Variants in IGF2R observed in about 807,000 individuals in gnomAD.
The protein encoded by IGF2R is insulin like growth factor 2 receptor, also known as cation-independent mannose-6-phosphate receptor.
In IGF2R, 91 loss-of-function variants were observed where a neutral mutation model predicts 270.6. That is an observed-to-expected ratio of 0.34 (90% CI 0.28 to 0.40). The LOEUF (loss-of-function observed/expected upper bound fraction) is 0.40, where lower values mean the gene tolerates loss of function less well. Among genes scored for constraint, IGF2R ranks in the 10% least tolerant of loss-of-function variants. The probability of loss-of-function intolerance (pLI) is 1.00; values close to 1 mark genes in which losing one functional copy is unlikely to be tolerated. For missense variants in IGF2R, 2,805 were observed against 3,188.3 expected (o/e 0.88, Z 2.90); for synonymous variants, 1,316 against 1,258.9 (o/e 1.05, Z -0.96).
At chr6:159,995,937 C>T (rs1420635933) in intron 2 of IGF2R, among the ~76,000 whole-genome samples, 2 of 126,088 alleles carry the variant, frequency 1.6e-5, no homozygotes, top group Non-Finnish European at 1.6e-5. Flanking sequence ...AGTTGTTACT[C>T]TGTTTCATTC....
intron 29 of IGF2R, among the ~76,000 whole-genome samples, chr6:160,065,812 GTGTATA>G (rs1188356843): frequency 3.7e-3 from 254 of 69,356 alleles, no homozygotes; most frequent in Middle Eastern, 7.5e-3. Context: ...GTGTGTGTGT[GTGTATA>G]TATATATATA....
rs1035971674 is a variant in IGF2R, at chr6:160,010,741, A to G, written c.469A>G (p.Thr157Ala). ...TECVHYFEWR[T>A]TAACKKDIFK... Reference sequence around the variant, plus strand: ...ATGTGTGCACTACTTTGAGTGGAGGACCACTGCAGCCTGCAAGAAAGACAT... The same window carrying G: ...ATGTGTGCACTACTTTGAGTGGAGGGCCACTGCAGCCTGCAAGAAAGACAT... The change falls in exon 4 of 48, where the codon ACC (threonine) becomes GCC (alanine). Residue 157 changes from threonine (T) to alanine (A), a missense_variant. Coordinates refer to ENST00000356956, the MANE Select transcript of IGF2R (RefSeq NM_000876.4). The G allele has an allele frequency of 6.2e-7, 1 of 1,612,822 alleles. No homozygotes were observed. Among genetic ancestry groups the G allele is most frequent in the Non-Finnish European group, 8.5e-7 (1 of 1,178,844 alleles).
chr6:159,982,382 T>A (rs1320956608), intron 1 of IGF2R, among the ~76,000 whole-genome samples: 9 of 152,214 alleles, frequency 5.9e-5, no homozygotes, highest in Non-Finnish European at 1.3e-4. Flanking sequence ...AGGACTTGCG[T>A]GCATGTCGAA....
intron 23 of IGF2R, 93 bp downstream of exon 23, chr6:160,060,810 TTG>T (rs140808704): frequency 7.0e-5 from 88 of 1,253,040 alleles, no homozygotes; most frequent in Middle Eastern, 2.5e-4. Context: ...GTATGTATAT[TTG>T]TGTGTGTGTG....
At chr6:160,053,413 TAAAA>T (rs545192579) in intron 19 of IGF2R, among the ~76,000 whole-genome samples, 1 of 151,900 alleles carries the variant, frequency 6.6e-6, no homozygotes. Context: ...TAACATATAA[TAAAA>T]AAAGGTATTA....
chr6:160,099,323 T>C lies in IGF2R; in HGVS notation c.6842+2698T>C, dbSNP rs571032668. Among the ~76,000 whole-genome samples the C allele has an allele frequency of 1.4e-4, 21 of 151,214 alleles. No individual in the cohort carries two copies. In the East Asian group the frequency reaches 4.1e-3, roughly 29 times the overall value. ...GATGTATAATGAAACCAGTTTTTTT[T>C]CCTCAGCTTTATGTTATGTTATGTT... On this transcript the variant is annotated intron_variant, in intron 45 of 47. Coordinates refer to ENST00000356956, the MANE Select transcript of IGF2R (RefSeq NM_000876.4).
At chr6:160,061,954 T>A (rs1393824340) in intron 25 of IGF2R, 26 bp downstream of exon 25, 2 of 1,606,892 alleles carry the variant, frequency 1.2e-6, no homozygotes, top group African/African-American at 1.3e-5. Context: ...AGCAATGAGA[T>A]GTTGTCCCCG....
rs9456489 is a variant in IGF2R, at chr6:159,975,820, C to T, written c.149+6425C>T. Among the ~76,000 whole-genome samples, 106 of 147,584 alleles carry T rather than the reference C, an allele frequency of 7.2e-4. 1 individual carries two copies. Among genetic ancestry groups the T allele is most frequent in the African/African-American group, 2.4e-3 (98 of 40,406 alleles). ...TATAGTTATATATAATATATACACACGCACATATATAAATAACACCACAAA... is the reference window on the plus strand; with the variant it reads ...TATAGTTATATATAATATATACACATGCACATATATAAATAACACCACAAA... On this transcript the variant is annotated intron_variant, in intron 1 of 47. Transcript: ENST00000356956.
At chr6:160,078,981 C>G (rs1296893629) in intron 37 of IGF2R, among the ~76,000 whole-genome samples, 1 of 152,178 alleles carries the variant, frequency 6.6e-6, no homozygotes, top group Non-Finnish European at 1.5e-5. Context: ...TAGATGTTAC[C>G]ATGCCAGTGC....
chr6:160,034,532 C>A lies in IGF2R; in HGVS notation c.1315+10C>A. On this transcript the variant is annotated intron_variant, in intron 10 of 47. Coordinates refer to ENST00000356956, the MANE Select transcript of IGF2R (RefSeq NM_000876.4). Reference sequence around the variant, plus strand: ...TGCAATAAAACCGCAGGTAAGTGTGCGCTGGAGTTCAGCCCCTCCTCTTTG... The same window carrying A: ...TGCAATAAAACCGCAGGTAAGTGTGAGCTGGAGTTCAGCCCCTCCTCTTTG... 3 of 1,554,580 alleles carry A rather than the reference C, an allele frequency of 1.9e-6. No homozygotes were observed. The highest frequency in any genetic ancestry group is 2.7e-6 in the Non-Finnish European group (3 of 1,126,178).
chr6:160,111,250 G>T lies in IGF2R; in HGVS notation c.*6166G>T, dbSNP rs541629436. ...CACTTACATGCGGTTTTTTTTTTCT[G>T]TAAAAGTTACACCCGATGCGTCAGC... On this transcript the variant is annotated 3_prime_UTR_variant, in exon 48 of 48. Transcript: ENST00000356956. 74 of 149,406 alleles carry T rather than the reference G, an allele frequency of 5.0e-4. No individual in the cohort carries two copies. The highest frequency in any genetic ancestry group is 1.7e-3 in the African/African-American group (68 of 40,638). The allele number at this position is 149,406 out of a possible 1,614,324, so 9.3% of individuals were successfully genotyped here.
At position 160,078,316 on chromosome 6, in the gene IGF2R, T is replaced by C; in HGVS notation, c.5432T>C (p.Leu1811Pro). The C allele has an allele frequency of 6.2e-7, 1 of 1,614,194 alleles. No homozygotes were observed. Among genetic ancestry groups the C allele is most frequent in the Non-Finnish European group, 8.5e-7 (1 of 1,179,998 alleles). The change falls in exon 37 of 48, where the codon CTC becomes CCC. Residue 1811 changes from leucine (L) to proline (P), a missense_variant. By Grantham distance (98) the Leu-to-Pro change is moderately conservative. Around this residue, in one of 2 missense-constraint regions of IGF2R, gnomAD observed 1,851 missense variants for 2,207.2 expected, o/e 0.84. Coordinates refer to ENST00000356956, the MANE Select transcript of IGF2R (RefSeq NM_000876.4). ...GGCTGTACCCTGACAGATGAGCAGC[T>C]CCTCTACAGCTTCAACTTGTCCAGC... ...MDGCTLTDEQ[L>P]LYSFNLSSLS...
chr6:160,048,779 A>G (rs926734159), intron 18 of IGF2R, among the ~76,000 whole-genome samples: 3 of 152,218 alleles, frequency 2.0e-5, no homozygotes, highest in Non-Finnish European at 4.4e-5. Context: ...TGATCACACA[A>G]AGGGCAGAGG....
intron 10 of IGF2R, among the ~76,000 whole-genome samples, chr6:160,035,408 C>T (rs1415624361): frequency 1.3e-5 from 2 of 152,174 alleles, no homozygotes; most frequent in African/African-American, 2.4e-5. Flanking sequence ...ACCATGCTCT[C>T]GAAGCCTCCG....
chr6:159,980,558 C>T (rs1265294597), intron 1 of IGF2R, among the ~76,000 whole-genome samples: 1 of 152,232 alleles, frequency 6.6e-6, no homozygotes. Context: ...ATGTTTGGCT[C>T]CAGCATCTTC....
intron 43 of IGF2R, 138 bp downstream of exon 43, chr6:160,089,391 T>G: frequency 1.4e-6 from 1 of 729,602 alleles, no homozygotes; most frequent in South Asian, 2.2e-5. Flanking sequence ...ATCGTCATCT[T>G]TTGCTTAAAC....
At chr6:160,070,267 G>T (rs374201244) in intron 31 of IGF2R, among the ~76,000 whole-genome samples, 25 of 152,204 alleles carry the variant, frequency 1.6e-4, no homozygotes, top group Non-Finnish European at 2.4e-4. Context: ...AAGCTTGCCT[G>T]GCAGTTCCCG....
intron 44 of IGF2R, among the ~76,000 whole-genome samples, chr6:160,090,724 TA>T (rs1019218899): frequency 2.6e-5 from 4 of 151,634 alleles, no homozygotes; most frequent in Non-Finnish European, 5.9e-5. Context: ...AATAACTCTT[TA>T]AAAAAAAATG....
At chr6:160,049,526 G>C (rs1315758973) in intron 18 of IGF2R, among the ~76,000 whole-genome samples, 1 of 152,136 alleles carries the variant, frequency 6.6e-6, no homozygotes, top group Admixed American at 6.5e-5. Flanking sequence ...CCAGTTGGAC[G>C]GGGTCTGAAT....
Sources: gnomAD v4.1 joint callset for allele counts (sites outside exome capture counted in the v4.1 genomes callset) on GRCh38, gnomAD v4.1.1 for gene constraint, gnomAD v4.1.1 regional missense constraint, MANE v1.5 for transcripts, NCBI Gene and HGNC (gene_info 2026-07-23, HGNC 2026-07-21) for gene names.